Variants in MCHR2 observed in about 807,000 individuals in gnomAD.
MCHR2 encodes melanin-concentrating hormone receptor 2.
MCHR2 carries 15 observed loss-of-function variants against 24.8 expected under a neutral mutation model. The ratio of observed to expected loss-of-function variants is 0.60; its 90% confidence interval spans 0.40 to 0.93. The LOEUF is 0.93. Among genes scored for constraint, MCHR2 ranks in the 40% least tolerant of loss-of-function variants. MCHR2 has a pLI of 0.00. For synonymous variants in MCHR2, 151 were observed against 147.6 expected (o/e 1.02, Z -0.17); for missense variants, 386 against 408.7 (o/e 0.94, Z 0.48).
chr6:99,927,318 G>C (rs1030569086), intron 5 of MCHR2, among the ~76,000 whole-genome samples: 1 of 152,088 alleles, frequency 6.6e-6, no homozygotes, highest in African/African-American at 2.4e-5. Context: ...TGGCGATGTG[G>C]GCTCTTTTTT....
intron 2 of MCHR2, 119 bp downstream of exon 2, chr6:99,955,835 CTTAAGCAAATAT>C (rs2114541009): frequency 1.4e-6 from 1 of 733,826 alleles, no homozygotes; most frequent in African/African-American, 1.8e-5. Context: ...CATTAATTAT[CTTAAGCAAATAT>C]TTCCAAAATT....
intron 5 of MCHR2, among the ~76,000 whole-genome samples, chr6:99,923,221 T>C (rs1774275980): frequency 6.6e-6 from 1 of 152,202 alleles, no homozygotes; most frequent in African/African-American, 2.4e-5. Context: ...CTACTGATTT[T>C]TGTATGTTGA....
chr6:99,969,624 C>T lies in MCHR2; in HGVS notation c.-27-13450G>A, dbSNP rs139817671. Among the ~76,000 whole-genome samples, 8 of 151,040 alleles carry T rather than the reference C, an allele frequency of 5.3e-5. No individual in the cohort carries two copies. The East Asian group carries it at 7.8e-4, about 15-fold the overall frequency. ...GGGTTCATGTGCACAATGTGCAGGTCTGTTACATATGTATACATGTGCCAT... is the reference window on the plus strand; with the variant it reads ...GGGTTCATGTGCACAATGTGCAGGTTTGTTACATATGTATACATGTGCCAT... On this transcript the variant is annotated intron_variant, in intron 1 of 5. Coordinates refer to ENST00000281806, the MANE Select transcript of MCHR2 (RefSeq NM_001040179.2).
At chr6:99,948,064 G>T in intron 2 of MCHR2, 93 bp from the exon 3 acceptor site, 1 of 1,091,692 alleles carries the variant, frequency 9.2e-7, no homozygotes, top group Non-Finnish European at 1.3e-6. Context: ...TTGACATAAT[G>T]CATTTTAAAT....
chr6:99,979,594 T>C (rs1377256915), intron 1 of MCHR2, among the ~76,000 whole-genome samples: 1 of 152,226 alleles, frequency 6.6e-6, no homozygotes, highest in Admixed American at 6.5e-5. Context: ...CTAGGTTAAA[T>C]TAAATGTATT....
chr6:99,927,877 A>T (rs1022097834), intron 5 of MCHR2, among the ~76,000 whole-genome samples: 3 of 152,106 alleles, frequency 2.0e-5, no homozygotes, highest in African/African-American at 7.2e-5. Flanking sequence ...CACTATGTTG[A>T]ATAGGAGTGG....
chr6:99,933,809 T>C (rs1322711319), intron 5 of MCHR2, among the ~76,000 whole-genome samples: 1 of 152,142 alleles, frequency 6.6e-6, no homozygotes, highest in African/African-American at 2.4e-5. Flanking sequence ...TTTGAACAAG[T>C]AGATTGTGGA....
At chr6:99,977,435 C>T (rs940059299) in intron 1 of MCHR2, among the ~76,000 whole-genome samples, 4 of 151,936 alleles carry the variant, frequency 2.6e-5, no homozygotes, top group African/African-American at 7.3e-5. Flanking sequence ...GAAAATGTAC[C>T]CTGCTCCTGA....
At chr6:99,948,046 AT>A in intron 2 of MCHR2, 75 bp from the exon 3 acceptor site, 1 of 1,273,312 alleles carries the variant, frequency 7.9e-7, no homozygotes, top group Middle Eastern at 2.2e-4. Flanking sequence ...CCTCATACAA[AT>A]TTTTAATTGA....
At position 99,965,710 on chromosome 6, in the gene MCHR2, A is replaced by G. The variant is rs189400746; in HGVS notation, c.-27-9536T>C. 8.8e-4 allele frequency among the ~76,000 whole-genome samples: 134 copies of G among 152,278 alleles called. 1 individual carries two copies. Among genetic ancestry groups the G allele is most frequent in the Non-Finnish European group, 2.4e-4 (16 of 68,004 alleles). Reference sequence around the variant, plus strand: ...CTTCTATAAGTTTAAAAAAGAAAATATGGATCATATATGCAAATGAATAGG... The same window carrying G: ...CTTCTATAAGTTTAAAAAAGAAAATGTGGATCATATATGCAAATGAATAGG... On this transcript the variant is annotated intron_variant, in intron 1 of 5. Coordinates refer to ENST00000281806, the MANE Select transcript of MCHR2 (RefSeq NM_001040179.2).
At chr6:99,923,571 A>G (rs1444879117) in intron 5 of MCHR2, among the ~76,000 whole-genome samples, 1 of 151,946 alleles carries the variant, frequency 6.6e-6, no homozygotes, top group Non-Finnish European at 1.5e-5. Flanking sequence ...TTCCTCCTAT[A>G]ACTAGTTTTT....
Position 99,934,528 on chromosome 6 carries a change from A to G in MCHR2, c.588-11T>C, listed in dbSNP as rs565259536. 18 of 1,544,918 alleles carry G rather than the reference A, an allele frequency of 1.2e-5. No homozygotes were observed. Among genetic ancestry groups the G allele is most frequent in the African/African-American group, 9.9e-5 (7 of 70,968 alleles). On this transcript the variant is annotated splice_polypyrimidine_tract_variant and intron_variant, in intron 4 of 5. Transcript: ENST00000281806. The stretch of plus-strand genomic sequence containing the variant: ...AAATAAAGTGTATACCTGTAAAATG[A>G]GAGAGAGAAGAGAGAGAGAGAAAGA...
intron 1 of MCHR2, among the ~76,000 whole-genome samples, chr6:99,971,237 G>C (rs994199851): frequency 1.6e-4 from 24 of 151,850 alleles, no homozygotes; most frequent in African/African-American, 5.8e-4. Flanking sequence ...TTATTTCATT[G>C]AGCAGTGGTT....
At chr6:99,931,098 C>T (rs1582372827) in intron 5 of MCHR2, among the ~76,000 whole-genome samples, 2 of 152,168 alleles carry the variant, frequency 1.3e-5, no homozygotes, top group Admixed American at 1.3e-4. Flanking sequence ...TGCTAGAGGT[C>T]CACTCCAGAC....
intron 3 of MCHR2, among the ~76,000 whole-genome samples, chr6:99,943,576 A>T (rs981141245): frequency 6.6e-6 from 1 of 151,730 alleles, no homozygotes; most frequent in East Asian, 1.9e-4. Context: ...ATAAGTGAGA[A>T]CATGCGGTGT....
chr6:99,973,333 C>T, intron 1 of MCHR2, among the ~76,000 whole-genome samples: 1 of 151,804 alleles, frequency 6.6e-6, no homozygotes, highest in South Asian at 2.1e-4. Flanking sequence ...TTCTTTGTCT[C>T]TTTTGATCTT....
chr6:99,971,911 C>T (rs1366078018), intron 1 of MCHR2, among the ~76,000 whole-genome samples: 3 of 152,010 alleles, frequency 2.0e-5, no homozygotes, highest in African/African-American at 4.8e-5. Flanking sequence ...GGGATGAAGC[C>T]CATTTGATCA....
intron 1 of MCHR2, among the ~76,000 whole-genome samples, chr6:99,969,488 A>G (rs111355770): frequency 6.7e-6 from 1 of 148,746 alleles, no homozygotes; most frequent in Non-Finnish European, 1.5e-5. Flanking sequence ...AAAAAAAAAA[A>G]AAAAGAAAAG....
intron 1 of MCHR2, among the ~76,000 whole-genome samples, chr6:99,977,909 C>T (rs1298195712): frequency 6.6e-6 from 1 of 152,182 alleles, no homozygotes; most frequent in Non-Finnish European, 1.5e-5. Flanking sequence ...AATATTCAAT[C>T]TTGGACCATA....
Sources: allele counts gnomAD v4.1 joint callset (sites outside exome capture counted in the v4.1 genomes callset), GRCh38; gene constraint gnomAD v4.1.1; transcripts MANE v1.5; gene names NCBI Gene and HGNC (gene_info 2026-07-23, HGNC 2026-07-21).